SLC45A1: variants seen among roughly 807,000 people sequenced by gnomAD.
SLC45A1 encodes the protein solute carrier family 45 member 1.
A neutral mutation model predicts 57.6 loss-of-function variants in SLC45A1; 28 were observed. That is an observed-to-expected ratio of 0.49 (90% CI 0.36 to 0.67). The LOEUF (loss-of-function observed/expected upper bound fraction) is 0.67, where lower values mean the gene tolerates loss of function less well. SLC45A1 is among the 30% of genes least tolerant of loss of function. The probability of loss-of-function intolerance (pLI) is 0.00; values close to 1 mark genes in which losing one functional copy is unlikely to be tolerated. For synonymous variants in SLC45A1, 459 were observed against 471.5 expected (o/e 0.97, Z 0.34); for missense variants, 814 against 1,041.5 (o/e 0.78, Z 3.01).
In SLC45A1 at chr1:8,332,081, T is replaced by C. The variant is rs539547200; in HGVS notation, c.1443+1145T>C. On this transcript the variant is annotated intron_variant, in intron 5 of 8. Coordinates refer to ENST00000471889, the MANE Select transcript of SLC45A1 (RefSeq NM_001080397.3). ...TGCTGCGATTACAGGCGTGAGCCAC[T>C]GCGCCCGGCCGACAACTCTTTTAAA... Among the ~76,000 whole-genome samples the C allele has an allele frequency of 3.3e-5, 5 of 152,294 alleles. No homozygotes were observed. In the East Asian group the frequency reaches 5.8e-4, roughly 18 times the overall value.
chr1:8,325,766 G>T lies in SLC45A1; in HGVS notation c.491-52G>T. ...CTAGACATAAGTCGTGAGCTGCCGG[G>T]GACAGAGCTGGTCTGCATTTTCTTG... On this transcript the variant is annotated intron_variant, in intron 3 of 8. Coordinates refer to ENST00000471889, the MANE Select transcript of SLC45A1 (RefSeq NM_001080397.3). This position sits in a 1 kb window ranked among gnomAD's most constrained non-coding sequence, Gnocchi z 6.3. The T allele has an allele frequency of 6.6e-7, 1 of 1,518,706 alleles. No homozygotes were observed. 94.1% of individuals were successfully genotyped at this position (1,518,706 alleles called of 1,614,324 possible).
At chr1:8,329,137 A>G (rs1292746667) in intron 4 of SLC45A1, among the ~76,000 whole-genome samples, 3 of 152,132 alleles carry the variant, frequency 2.0e-5, no homozygotes, top group Non-Finnish European at 2.9e-5. Flanking sequence ...ACCTCGAAAT[A>G]ATGAGATCCA....
chr1:8,343,884 C>T lies in SLC45A1; in HGVS notation c.2118C>T (p.Asn706=), dbSNP rs148858689. Residue 706 remains asparagine, a synonymous_variant, in exon 9 of 9, where the codon AAC becomes AAT. Coordinates refer to ENST00000471889, the MANE Select transcript of SLC45A1 (RefSeq NM_001080397.3). This position sits in a 1 kb window ranked among gnomAD's most constrained non-coding sequence, Gnocchi z 7.7. ...GPLTSAVGSA[N]GVMYFSSLVS... ...TGACCTCGGCCGTGGGCAGTGCCAA[C>T]GGGGTGATGTACTTCTCCAGCCTCG... 1.4e-3 allele frequency: 2,333 copies of T among 1,614,134 alleles called. 3 individuals carry two copies. The highest frequency in any genetic ancestry group is 1.8e-3 in the Non-Finnish European group (2,095 of 1,180,002).
rs1239868843 is a variant in SLC45A1, at chr1:8,326,557, C to G, written c.715+515C>G. On this transcript the variant is annotated intron_variant, in intron 4 of 8. Transcript: ENST00000471889. The surrounding 1 kb of genome is among the most constrained non-coding windows in gnomAD (Gnocchi z 5.5). ...GAAGCGTCACTGTCGCATGCATTTT[C>G]TGCACAAGGCACATCCGGCTTTCTT... Among the ~76,000 whole-genome samples the G allele has an allele frequency of 1.3e-5, 2 of 152,214 alleles. No homozygotes were observed. Among genetic ancestry groups the G allele is most frequent in the Non-Finnish European group, 2.9e-5 (2 of 68,042 alleles).
rs1421892488 is a variant in SLC45A1, at chr1:8,337,984, TCTA to T, written c.1769_1771del (p.Tyr590del). 1 of 1,613,518 alleles carries T rather than the reference TCTA, an allele frequency of 6.2e-7. No individual in the cohort carries two copies. The highest frequency in any genetic ancestry group is 8.5e-7 in the Non-Finnish European group (1 of 1,179,800). ...TGTATCTACGCCTTCAGTGCTGCCT[TCTA>T]CTCAGGTACCCGCTGCCAGCCAGGC... is the stretch of plus-strand genomic sequence containing the variant. On this transcript the variant is annotated inframe_deletion, in exon 7 of 9. Transcript: ENST00000471889.
Position 8,330,438 on chromosome 1 carries a change from C to T in SLC45A1, c.945C>T (p.Pro315=), listed in dbSNP as rs767161405. Residue 315 remains proline (P), a synonymous_variant, in exon 5 of 9, where the codon CCC becomes CCT. Transcript: ENST00000471889. The surrounding 1 kb of genome is among the most constrained non-coding windows in gnomAD (Gnocchi z 8.4). ...SPSLPLPPSP[P]VLPEEGPGDS... ...GCCTCCCGCTGCCCCCGTCCCCACC[C>T]GTCCTGCCAGAGGAAGGCCCTGGCG... 20 of 1,611,524 alleles carry T rather than the reference C, an allele frequency of 1.2e-5. No homozygotes were observed. Among genetic ancestry groups the T allele is most frequent in the South Asian group, 6.6e-5 (6 of 90,996 alleles).
intron 2 of SLC45A1, among the ~76,000 whole-genome samples, 181 bp downstream of exon 2, chr1:8,324,907 G>C (rs531615433): frequency 6.6e-6 from 1 of 152,130 alleles, no homozygotes. Flanking sequence ...GTTCCTTATC[G>C]AAAGCAGACA....
Position 8,330,579 on chromosome 1 carries a change from C to G in SLC45A1, c.1086C>G (p.Ser362Arg), listed in dbSNP as rs761492222. The change falls in exon 5 of 9, where the codon AGC becomes AGG. Residue 362 changes from serine (S) to arginine (R), a missense_variant. Coordinates refer to ENST00000471889, the MANE Select transcript of SLC45A1 (RefSeq NM_001080397.3). The surrounding 1 kb of genome is among the most constrained non-coding windows in gnomAD (Gnocchi z 8.4). Reference protein sequence around the residue: ...ISRDSSLTGISEFASSFGTAN... With the variant: ...ISRDSSLTGIREFASSFGTAN... ...GGGACAGCTCCCTGACGGGCATCAG[C>G]GAGTTCGCCTCATCCTTTGGCACGG... The G allele has an allele frequency of 6.2e-7, 1 of 1,613,396 alleles. No homozygotes were observed. The highest frequency in any genetic ancestry group is 1.7e-5 in the Admixed American group (1 of 60,008).
At position 8,325,206 on chromosome 1, in the gene SLC45A1, G is replaced by A; in HGVS notation, c.398-92G>A. 1.3e-6 allele frequency: 1 copy of A among 792,748 alleles called. No individual in the cohort carries two copies. The highest frequency in any genetic ancestry group is 2.2e-6 in the Non-Finnish European group (1 of 457,450). 49.1% of individuals were successfully genotyped at this position (792,748 alleles called of 1,614,324 possible). Reference sequence around the variant, plus strand: ...TTCTTTTGATGCACTGGGGGTGTTTGAGAGCAGGCACTTCAGGAATGTGGA... The same window carrying A: ...TTCTTTTGATGCACTGGGGGTGTTTAAGAGCAGGCACTTCAGGAATGTGGA... On this transcript the variant is annotated intron_variant, in intron 2 of 8. Transcript: ENST00000471889. This position sits in a 1 kb window ranked among gnomAD's most constrained non-coding sequence, Gnocchi z 6.3.
At chr1:8,342,536 T>C (rs116259049) in intron 8 of SLC45A1, among the ~76,000 whole-genome samples, 1,796 of 152,260 alleles carry the variant, frequency 0.012, 47 homozygotes, top group African/African-American at 0.041. Flanking sequence ...CTGCGGCCTC[T>C]CGTGTCTGGC....
At chr1:8,337,297 A>T (rs1640643671) in intron 6 of SLC45A1, among the ~76,000 whole-genome samples, 1 of 152,248 alleles carries the variant, frequency 6.6e-6, no homozygotes, top group Non-Finnish European at 1.5e-5. Context: ...CAACCCCATG[A>T]TTCAATTAGC....
chr1:8,340,201 T>C (rs1640766514), intron 8 of SLC45A1, among the ~76,000 whole-genome samples: 2 of 151,128 alleles, frequency 1.3e-5, no homozygotes, highest in East Asian at 1.9e-4. Flanking sequence ...CTTGCTCTGA[T>C]GCCTGTGCTG....
intron 4 of SLC45A1, among the ~76,000 whole-genome samples, chr1:8,329,433 C>A (rs1640302321): frequency 6.6e-6 from 1 of 152,238 alleles, no homozygotes; most frequent in Non-Finnish European, 1.5e-5. Flanking sequence ...CGTGGACCCG[C>A]AGCTGGCTGG....
rs748204877 is a variant in SLC45A1, at chr1:8,339,489, G to A, written c.1775-4G>A. 28 of 1,613,902 alleles carry A rather than the reference G, an allele frequency of 1.7e-5. No homozygotes were observed. Among genetic ancestry groups the A allele is most frequent in the Middle Eastern group, 3.3e-4 (2 of 6,080 alleles). ...GCACTGCTCACCCTCTCTGTGGCCC[G>A]CAGCTATCCTGGAGAAGCTGGAGGA... On this transcript the variant is annotated splice_region_variant and splice_polypyrimidine_tract_variant and intron_variant, in intron 7 of 8. Transcript: ENST00000471889.
At chr1:8,342,898 C>CA (rs111698660) in intron 8 of SLC45A1, among the ~76,000 whole-genome samples, 53,597 of 132,846 alleles carry the variant, frequency 0.4, 11,631 homozygotes, top group African/African-American at 0.55. Context: ...GACCCTGTCT[C>CA]AAAAAAAAAA....
chr1:8,340,140 A>G (rs1303250737), intron 8 of SLC45A1, among the ~76,000 whole-genome samples: 1 of 151,866 alleles, frequency 6.6e-6, no homozygotes, highest in Non-Finnish European at 1.5e-5. Context: ...AAATCCATGG[A>G]GAACAAAAAC....
intron 1 of SLC45A1, among the ~76,000 whole-genome samples, chr1:8,319,391 C>T (rs762743879): frequency 1.3e-4 from 20 of 152,158 alleles, no homozygotes; most frequent in Admixed American, 9.2e-4. Flanking sequence ...GGTTTCCGCT[C>T]GTAGTAGGAT....
At position 8,325,969 on chromosome 1, in the gene SLC45A1, C is replaced by T; in HGVS notation, c.642C>T (p.Ser214=). The part of the protein sequence containing the change: ...DFSADSADNP[S]HAYMMDVCSP... ...GCGCCGACTCGGCGGACAACCCCAG[C>T]CACGCCTACATGATGGACGTGTGCA... The change falls in exon 4 of 9, where the codon AGC becomes AGT. Residue 214 remains serine, a synonymous_variant. Coordinates refer to ENST00000471889, the MANE Select transcript of SLC45A1 (RefSeq NM_001080397.3). The surrounding 1 kb of genome is among the most constrained non-coding windows in gnomAD (Gnocchi z 6.3). The T allele has an allele frequency of 1.2e-6, 2 of 1,612,752 alleles. No individual in the cohort carries two copies. Among genetic ancestry groups the T allele is most frequent in the Non-Finnish European group, 8.5e-7 (1 of 1,180,024 alleles).
At chr1:8,338,422 CA>C (rs1295074002) in intron 7 of SLC45A1, among the ~76,000 whole-genome samples, 2 of 152,218 alleles carry the variant, frequency 1.3e-5, no homozygotes, top group African/African-American at 4.8e-5. Flanking sequence ...GGGCAGGGGC[CA>C]GGGGCCCAGA....
Sources: gnomAD v4.1 joint callset for allele counts (sites outside exome capture counted in the v4.1 genomes callset) on GRCh38, gnomAD v4.1.1 for gene constraint, Gnocchi (gnomAD v3.1) non-coding constraint, MANE v1.5 for transcripts, NCBI Gene and HGNC (gene_info 2026-07-23, HGNC 2026-07-21) for gene names.